Variants in VPS13C observed in about 807,000 individuals in gnomAD.
VPS13C encodes intermembrane lipid transfer protein VPS13C.
In VPS13C, 358 loss-of-function variants were observed where a neutral mutation model predicts 456.8. The observed-to-expected ratio is 0.78, with a 90% CI of 0.72 to 0.86. The LOEUF (loss-of-function observed/expected upper bound fraction) is 0.86, where lower values mean the gene tolerates loss of function less well. Among genes scored for constraint, VPS13C ranks in the 40% least tolerant of loss-of-function variants. VPS13C has a pLI of 0.00. For synonymous variants in VPS13C, 1,578 were observed against 1,486.7 expected (o/e 1.06, Z -1.41); for missense variants, 4,818 against 4,385.4 (o/e 1.10, Z -2.79).
At position 61,962,535 on chromosome 15, in the gene VPS13C, CAGCCTGA is replaced by C; in HGVS notation, c.3436-4_3438del. On this transcript the variant is annotated splice_acceptor_variant and splice_polypyrimidine_tract_variant and coding_sequence_variant and intron_variant, in exon 34 of 85. Transcript: ENST00000644861. LOFTEE classifies it high-confidence loss of function. ...AAAACTTCATTTCCCATTATTGACA[CAGCCTGA>C]AAAACAGAGACTTGAATGTACTCTA... 6.2e-7 allele frequency: 1 copy of C among 1,607,166 alleles called. No homozygotes were observed. Among genetic ancestry groups the C allele is most frequent in the Non-Finnish European group, 8.5e-7 (1 of 1,176,050 alleles).
intron 8 of VPS13C, among the ~76,000 whole-genome samples, chr15:62,021,124 C>T (rs947057927): frequency 6.6e-6 from 1 of 151,672 alleles, no homozygotes; most frequent in African/African-American, 2.4e-5. Flanking sequence ...GAATAATACA[C>T]ATTGGAGACT....
chr15:62,017,179 A>G (rs2047284804), intron 9 of VPS13C, among the ~76,000 whole-genome samples: 3 of 152,000 alleles, frequency 2.0e-5, no homozygotes, highest in Admixed American at 6.6e-5. Context: ...TAGATTCTGG[A>G]TATTAGCCCT....
At position 61,853,549 on chromosome 15, in the gene VPS13C, G is replaced by C. The variant is rs185700497; in HGVS notation, c.*908C>G. On this transcript the variant is annotated 3_prime_UTR_variant, in exon 85 of 85. Coordinates refer to ENST00000644861, the MANE Select transcript of VPS13C (RefSeq NM_020821.3). ...ATTAGACTGCAAGGAGGAAAAATAA[G>C]CACCAAAGTAAAATATGCTTTATTA... 3 of 152,210 alleles carry C rather than the reference G, an allele frequency of 2.0e-5. No individual in the cohort carries two copies. The East Asian group carries it at 5.8e-4, about 29-fold the overall frequency. 9.4% of individuals were successfully genotyped at this position (152,210 alleles called of 1,614,324 possible). A position where few individuals can be genotyped will look rare whatever the true frequency, so the allele number is the denominator to read the frequency against.
rs1036877954 is a variant in VPS13C, at chr15:61,981,205, C to T, written c.2166+137G>A. The T allele has an allele frequency of 6.5e-6, 7 of 1,073,348 alleles. No homozygotes were observed. In the East Asian group the frequency reaches 1.7e-4, roughly 27 times the overall value. 66.5% of individuals were successfully genotyped at this position (1,073,348 alleles called of 1,614,324 possible). A position where few individuals can be genotyped will look rare whatever the true frequency, so the allele number is the denominator to read the frequency against. On this transcript the variant is annotated intron_variant, in intron 22 of 84. Transcript: ENST00000644861. ...TAAAACATATATAAAATACTCCAAG[C>T]AAGGCTTGAAACACAGGCTAAAAAA...
At chr15:61,996,825 T>G (rs1596449366) in intron 16 of VPS13C, among the ~76,000 whole-genome samples, 1 of 140,560 alleles carries the variant, frequency 7.1e-6, no homozygotes, top group East Asian at 2.1e-4. Context: ...GAAAAAAGAC[T>G]GCAGGAAAAA....
At chr15:61,882,127 A>C (rs1292006040) in intron 69 of VPS13C, among the ~76,000 whole-genome samples, 1 of 152,168 alleles carries the variant, frequency 6.6e-6, no homozygotes, top group Non-Finnish European at 1.5e-5. Context: ...TCTATGGTTT[A>C]AATAAAAGTT....
chr15:62,010,732 CA>C (rs1187825698), intron 12 of VPS13C, 133 bp from the exon 13 acceptor site: 7 of 959,732 alleles, frequency 7.3e-6, no homozygotes, highest in Non-Finnish European at 9.9e-6. Flanking sequence ...AAATCACTAC[CA>C]AAAAATATTT....
intron 49 of VPS13C, among the ~76,000 whole-genome samples, chr15:61,932,138 G>A (rs2044079923): frequency 6.6e-6 from 1 of 152,152 alleles, no homozygotes. Context: ...CCATTTAGTG[G>A]TTAGGTAAAG....
intron 1 of VPS13C, among the ~76,000 whole-genome samples, chr15:62,048,762 C>T (rs1372322178): frequency 2.6e-5 from 4 of 152,038 alleles, no homozygotes; most frequent in African/African-American, 4.8e-5. Flanking sequence ...CTCTCCAGCA[C>T]CTGTTGTTTC....
intron 53 of VPS13C, among the ~76,000 whole-genome samples, chr15:61,924,815 A>C (rs1358696887): frequency 6.6e-6 from 1 of 152,230 alleles, no homozygotes; most frequent in East Asian, 1.9e-4. Flanking sequence ...TTAACCAATT[A>C]ACCAAAAAAG....
At chr15:61,988,159 G>A (rs1042643046) in intron 18 of VPS13C, among the ~76,000 whole-genome samples, 11 of 152,088 alleles carry the variant, frequency 7.2e-5, no homozygotes, top group African/African-American at 1.7e-4. Flanking sequence ...AAGTAATCAC[G>A]GTGACATAAG....
intron 1 of VPS13C, among the ~76,000 whole-genome samples, chr15:62,047,992 G>A (rs2048476755): frequency 6.6e-6 from 1 of 150,528 alleles, no homozygotes; most frequent in South Asian, 2.1e-4. Flanking sequence ...AGATCACCAG[G>A]GCTAAGAACA....
At chr15:61,912,786 TC>T (rs1294890524) in intron 62 of VPS13C, among the ~76,000 whole-genome samples, 1 of 82,280 alleles carries the variant, frequency 1.2e-5, no homozygotes, top group Non-Finnish European at 2.3e-5. Flanking sequence ...ATGCTATCCC[TC>T]CCCCCTCCCC....
chr15:61,880,573 T>C, intron 73 of VPS13C, 36 bp downstream of exon 73: 1 of 1,418,024 alleles, frequency 7.1e-7, no homozygotes, highest in Non-Finnish European at 9.7e-7. Flanking sequence ...TCTACAATAA[T>C]TTCACTAAAT....
chr15:62,014,413 C>T (rs1049915031), intron 9 of VPS13C, among the ~76,000 whole-genome samples: 9 of 152,068 alleles, frequency 5.9e-5, no homozygotes, highest in African/African-American at 2.2e-4. Flanking sequence ...TGTTCAGCAA[C>T]ACCAAACACT....
chr15:61,909,129 T>C lies in VPS13C; in HGVS notation c.8845-4A>G, dbSNP rs781218194. 8 of 1,586,882 alleles carry C rather than the reference T, an allele frequency of 5.0e-6. No individual in the cohort carries two copies. In the Admixed American group the frequency reaches 5.3e-5, roughly 11 times the overall value. ...CATCCACCAAGATACCCCCATTCTA[T>C]TGTAGAAAAAAAAAAAGTATGTTTG... On this transcript the variant is annotated splice_region_variant and splice_polypyrimidine_tract_variant and intron_variant, in intron 64 of 84. Transcript: ENST00000644861.
At position 61,922,625 on chromosome 15, in the gene VPS13C, A is replaced by C; in HGVS notation, c.6747T>G (p.Thr2249=). ...WGIKSINDYN[T]WFLGVDTATE... is the part of the protein sequence containing the mutation. ...TTGCCGTGTCAACACCAAGAAACCAAGTGTTATAATCATTAATCGATTTGA... is the reference window on the plus strand; with the variant it reads ...TTGCCGTGTCAACACCAAGAAACCACGTGTTATAATCATTAATCGATTTGA... The change falls in exon 54 of 85, where the codon ACT becomes ACG. Residue 2249 remains threonine (T), a synonymous_variant. Transcript: ENST00000644861. 1 of 1,614,062 alleles carries C rather than the reference A, an allele frequency of 6.2e-7. No homozygotes were observed. The highest frequency in any genetic ancestry group is 8.5e-7 in the Non-Finnish European group (1 of 1,179,968).
At position 61,984,854 on chromosome 15, in the gene VPS13C, T is replaced by C. The variant is rs771773552; in HGVS notation, c.1721+3A>G. 9.3e-6 allele frequency: 15 copies of C among 1,612,236 alleles called. No individual in the cohort carries two copies. The East Asian group carries it at 1.8e-4, about 19-fold the overall frequency. On this transcript the variant is annotated splice_donor_region_variant and intron_variant, in intron 19 of 84. Transcript: ENST00000644861. ...AAATTGAAATAAGTTTTTAAAAACTTACTTAAGTGCTTGTGCTCCTGGTCG... is the reference window on the plus strand; with the variant it reads ...AAATTGAAATAAGTTTTTAAAAACTCACTTAAGTGCTTGTGCTCCTGGTCG...
rs2044587745 is a variant in VPS13C at position 61,945,893 on chromosome 15, T to C, written c.4981-11A>G. On this transcript the variant is annotated splice_polypyrimidine_tract_variant and intron_variant, in intron 44 of 84. Coordinates refer to ENST00000644861, the MANE Select transcript of VPS13C (RefSeq NM_020821.3). Reference sequence around the variant, plus strand: ...CAAAATAGAGACAGCCTAAAAGTATTAGATTAACTGGTTATTATATCAAAA... The same window carrying C: ...CAAAATAGAGACAGCCTAAAAGTATCAGATTAACTGGTTATTATATCAAAA... 1.3e-6 allele frequency: 2 copies of C among 1,591,416 alleles called. No individual in the cohort carries two copies. Among genetic ancestry groups the C allele is most frequent in the African/African-American group, 1.4e-5 (1 of 73,638 alleles).
Sources: gnomAD v4.1 joint callset for allele counts (sites outside exome capture counted in the v4.1 genomes callset) on GRCh38, gnomAD v4.1.1 for gene constraint, MANE v1.5 for transcripts, NCBI Gene and HGNC (gene_info 2026-07-23, HGNC 2026-07-21) for gene names.